Variants in GRIK2 observed in about 807,000 individuals in gnomAD.
GRIK2 encodes the protein glutamate ionotropic receptor kainate type subunit 2.
Under a neutral mutation model 100.3 loss-of-function variants are expected in GRIK2, and 32 were observed. The ratio of observed to expected loss-of-function variants is 0.32; its 90% CI spans 0.24 to 0.43. The LOEUF is 0.43. GRIK2 is among the 20% of genes least tolerant of loss of function. The pLI is 1.00. For synonymous variants in GRIK2, 417 were observed against 389.4 expected (o/e 1.07, Z -0.83); for missense variants, 843 against 1,114.9 (o/e 0.76, Z 3.47).
chr6:101,462,897 A>G (rs1771406690), intron 2 of GRIK2, among the ~76,000 whole-genome samples: 1 of 152,200 alleles, frequency 6.6e-6, no homozygotes. Context: ...TCTGCTAGGA[A>G]AGAATACTTC....
intron 12 of GRIK2, among the ~76,000 whole-genome samples, chr6:101,917,919 T>C (rs978492457): frequency 6.6e-6 from 1 of 151,622 alleles, no homozygotes; most frequent in East Asian, 1.9e-4. Context: ...AAAAACTTTG[T>C]ATTCCTCGTA....
At chr6:101,442,244 G>A (rs1380164920) in intron 2 of GRIK2, among the ~76,000 whole-genome samples, 2 of 152,110 alleles carry the variant, frequency 1.3e-5, no homozygotes, top group East Asian at 1.9e-4. Flanking sequence ...TGAAGGGTGG[G>A]GAGGATGGAG....
At chr6:102,023,621 G>T (rs1302331901) in intron 14 of GRIK2, among the ~76,000 whole-genome samples, 1 of 151,550 alleles carries the variant, frequency 6.6e-6, no homozygotes, top group Non-Finnish European at 1.5e-5. Flanking sequence ...CAGGAAAGGA[G>T]CAATTTGAAA....
chr6:102,049,537 TAATA>T (rs1281392578), intron 15 of GRIK2, among the ~76,000 whole-genome samples: 3 of 152,156 alleles, frequency 2.0e-5, no homozygotes, highest in African/African-American at 7.2e-5. Context: ...TTCTTTCCTT[TAATA>T]GATAGATGGA....
In GRIK2 at chr6:101,650,759, T is replaced by C. The variant is rs540783864; in HGVS notation, c.541+24122T>C. Among the ~76,000 whole-genome samples the C allele has an allele frequency of 9.2e-4, 140 of 152,228 alleles. 1 individual carries two copies. The highest frequency in any genetic ancestry group is 3.1e-3 in the Admixed American group (48 of 15,266). ...TTTCTAAGGAACTATTTTAATTCCC[T>C]CTCCCCTTTATTTTGCAGTTAACTG... On this transcript the variant is annotated intron_variant, in intron 4 of 16. Transcript: ENST00000369134.
At chr6:101,932,597 C>T (rs944032560) in intron 14 of GRIK2, among the ~76,000 whole-genome samples, 1 of 148,214 alleles carries the variant, frequency 6.7e-6, no homozygotes. Context: ...TTTTTTTAAA[C>T]TTACATTATT....
At chr6:101,770,853 C>A (rs570220092) in intron 7 of GRIK2, among the ~76,000 whole-genome samples, 1 of 152,234 alleles carries the variant, frequency 6.6e-6, no homozygotes, top group East Asian at 1.9e-4. Flanking sequence ...TGCACCAACT[C>A]ACATATTCCA....
chr6:102,065,494 G>C (rs1359683570), intron 16 of GRIK2, among the ~76,000 whole-genome samples: 2 of 149,922 alleles, frequency 1.3e-5, no homozygotes, highest in Non-Finnish European at 3.0e-5. Context: ...ATGCACATGT[G>C]TAAGATTTTT....
chr6:101,789,922 G>C (rs372694698), intron 7 of GRIK2, among the ~76,000 whole-genome samples: 1 of 151,954 alleles, frequency 6.6e-6, no homozygotes, highest in Non-Finnish European at 1.5e-5. Context: ...GGTCCTTCAC[G>C]TCCCTTGTAA....
intron 7 of GRIK2, among the ~76,000 whole-genome samples, chr6:101,714,151 C>A (rs909608028): frequency 2.0e-5 from 3 of 151,636 alleles, no homozygotes; most frequent in Non-Finnish European, 3.0e-5. Context: ...TACCAGAGTG[C>A]TTCTCCAGAG....
chr6:102,025,354 T>C (rs1384733743), intron 14 of GRIK2, among the ~76,000 whole-genome samples: 1 of 151,154 alleles, frequency 6.6e-6, no homozygotes. Flanking sequence ...GATAAATAAG[T>C]ATAAAGAGGA....
intron 14 of GRIK2, among the ~76,000 whole-genome samples, chr6:101,979,662 T>TA (rs1301118619): frequency 1.2e-4 from 18 of 152,036 alleles, no homozygotes; most frequent in South Asian, 4.2e-4. Flanking sequence ...ACTTGGTAGG[T>TA]AAAGTCTATT....
intron 11 of GRIK2, among the ~76,000 whole-genome samples, chr6:101,862,132 G>C (rs1784767642): frequency 6.6e-6 from 1 of 152,126 alleles, no homozygotes; most frequent in African/African-American, 2.4e-5. Flanking sequence ...GATGTGGTTA[G>C]ATTTTTTGTT....
intron 7 of GRIK2, among the ~76,000 whole-genome samples, chr6:101,728,890 C>T (rs774388550): frequency 6.6e-6 from 1 of 152,020 alleles, no homozygotes; most frequent in East Asian, 1.9e-4. Flanking sequence ...TATGCAGTTT[C>T]CTGCCTTGAA....
intron 2 of GRIK2, among the ~76,000 whole-genome samples, chr6:101,617,538 TCA>T (rs1201175876): frequency 1.3e-5 from 2 of 151,856 alleles, no homozygotes; most frequent in Non-Finnish European, 2.9e-5. Flanking sequence ...AATTTCTGTG[TCA>T]CAGAGTTTGT....
At chr6:102,051,559 T>C (rs1246601831) in intron 15 of GRIK2, among the ~76,000 whole-genome samples, 1 of 152,120 alleles carries the variant, frequency 6.6e-6, no homozygotes, top group Non-Finnish European at 1.5e-5. Flanking sequence ...AATAATTTAT[T>C]TGTCAATGTT....
intron 4 of GRIK2, among the ~76,000 whole-genome samples, chr6:101,665,945 A>G (rs752859918): frequency 1.3e-5 from 2 of 152,122 alleles, no homozygotes; most frequent in Non-Finnish European, 2.9e-5. Context: ...TAGTTTGGGA[A>G]TACTGTTTGT....
At chr6:101,719,138 GT>G (rs60301711) in intron 7 of GRIK2, among the ~76,000 whole-genome samples, 1 of 101,148 alleles carries the variant, frequency 9.9e-6, no homozygotes, top group Admixed American at 1.0e-4. Context: ...GGCTGCAAGG[GT>G]TTTTTTTTTT....
At chr6:101,790,676 GT>G (rs1356082945) in intron 7 of GRIK2, among the ~76,000 whole-genome samples, 3 of 147,662 alleles carry the variant, frequency 2.0e-5, no homozygotes, top group Admixed American at 1.4e-4. Flanking sequence ...CTCTTTTTTG[GT>G]TGTGTCTCTG....
Sources: allele counts gnomAD v4.1 joint callset (sites outside exome capture counted in the v4.1 genomes callset), GRCh38; gene constraint gnomAD v4.1.1; transcripts MANE v1.5; gene names NCBI Gene and HGNC (gene_info 2026-07-23, HGNC 2026-07-21).